Variants in B3GALT1 observed in about 807,000 individuals in gnomAD.
B3GALT1 encodes beta-1,3-galactosyltransferase 1, also known as UDP-Gal:betaGlcNAc beta 1,3-galactosyltransferase, polypeptide 1.
B3GALT1 carries 10 observed loss-of-function variants against 23.2 expected under a neutral mutation model. The ratio of observed to expected loss-of-function variants is 0.43; its 90% CI spans 0.27 to 0.73. The LOEUF (loss-of-function observed/expected upper bound fraction) is 0.73. Ranked by LOEUF, B3GALT1 falls within the 30% of genes least tolerant of loss-of-function variation. The pLI, the probability that B3GALT1 is intolerant of heterozygous loss-of-function variation, is 0.21. For missense variants in B3GALT1, 299 were observed against 405.4 expected, an observed-to-expected ratio of 0.74 and a Z score of 2.25; for synonymous variants, 156 against 141.5, an observed-to-expected ratio of 1.10 and a Z score of -0.73.
intron 2 of B3GALT1, among the ~76,000 whole-genome samples, chr2:167,550,626 C>T (rs1383864167): frequency 2.0e-5 from 3 of 152,140 alleles, no homozygotes; most frequent in Admixed American, 6.5e-5. Context: ...AAATAGTGGC[C>T]TCTAGTGGTT....
intron 2 of B3GALT1, among the ~76,000 whole-genome samples, chr2:167,603,557 C>T (rs1182270088): frequency 2.6e-5 from 4 of 152,212 alleles, no homozygotes; most frequent in African/African-American, 9.6e-5. Flanking sequence ...CCTCATTAGG[C>T]AGCCTCTTCC....
At chr2:167,678,502 A>ACACTGTGACCTCCCTAAGC (rs1686468562) in intron 3 of B3GALT1, among the ~76,000 whole-genome samples, 1 of 152,048 alleles carries the variant, frequency 6.6e-6, no homozygotes, top group African/African-American at 2.4e-5. Context: ...ACTGCCTTCT[A>ACACTGTGACCTCCCTAAGC]CACTGTGACC....
chr2:167,793,297 C>A (rs544044489), intron 3 of B3GALT1, among the ~76,000 whole-genome samples: 2 of 152,164 alleles, frequency 1.3e-5, no homozygotes, highest in Non-Finnish European at 2.9e-5. Context: ...AATCTCACAG[C>A]AGATCTCAAG....
intron 3 of B3GALT1, among the ~76,000 whole-genome samples, chr2:167,750,716 C>T (rs898871460): frequency 2.7e-5 from 4 of 147,970 alleles, no homozygotes; most frequent in African/African-American, 1.0e-4. Flanking sequence ...AGGACACATA[C>T]CTTAAAGGAC....
At chr2:167,597,665 G>T (rs764481915) in intron 2 of B3GALT1, among the ~76,000 whole-genome samples, 1 of 152,166 alleles carries the variant, frequency 6.6e-6, no homozygotes, top group Non-Finnish European at 1.5e-5. Flanking sequence ...ACATGAATTA[G>T]AATGAGGTAT....
At chr2:167,762,665 C>T (rs541456039) in intron 3 of B3GALT1, among the ~76,000 whole-genome samples, 2 of 151,912 alleles carry the variant, frequency 1.3e-5, no homozygotes, top group African/African-American at 4.8e-5. Context: ...ATTTGGGTGC[C>T]GATGGGACTG....
At position 167,454,227 on chromosome 2, in the gene B3GALT1, A is replaced by T. The variant is rs566323828; in HGVS notation, c.-510-35950A>T. ...TGTGTGTGTGCGCACGCGCGCGTGC[A>T]CGTGTGTGCATGTATGTGTGCACGT... On this transcript the variant is annotated intron_variant, in intron 1 of 4. Coordinates refer to ENST00000392690, the MANE Select transcript of B3GALT1 (RefSeq NM_020981.4). 3.5e-3 allele frequency among the ~76,000 whole-genome samples: 475 copies of T among 137,162 alleles called. 3 individuals are homozygous for T. Among genetic ancestry groups the T allele is most frequent in the Non-Finnish European group, 6.2e-3 (380 of 61,736 alleles). The allele number at this position is 137,162 out of a possible 152,430, so 90.0% of individuals were successfully genotyped here. A position where few individuals can be genotyped will look rare whatever the true frequency, so the allele number is the denominator to read the frequency against.
intron 2 of B3GALT1, among the ~76,000 whole-genome samples, chr2:167,546,077 T>A (rs547577571): frequency 6.6e-6 from 1 of 152,166 alleles, no homozygotes; most frequent in Non-Finnish European, 1.5e-5. Context: ...TCAAAATGTT[T>A]TGGATTTTGG....
chr2:167,548,699 T>TGTGTGTGAGA, intron 2 of B3GALT1, among the ~76,000 whole-genome samples: 1 of 151,766 alleles, frequency 6.6e-6, no homozygotes. Context: ...TGTGTGTGTG[T>TGTGTGTGAGA]GTGTGTGTGT....
At chr2:167,642,152 G>C (rs1326004412) in intron 2 of B3GALT1, among the ~76,000 whole-genome samples, 1 of 152,172 alleles carries the variant, frequency 6.6e-6, no homozygotes, top group African/African-American at 2.4e-5. Context: ...GACTTGGGGA[G>C]ACAGAGCTCA....
chr2:167,744,406 C>T (rs949021048), intron 3 of B3GALT1, among the ~76,000 whole-genome samples: 1 of 152,058 alleles, frequency 6.6e-6, no homozygotes, highest in African/African-American at 2.4e-5. Flanking sequence ...AAGTTTGCAA[C>T]TATTATTATA....
intron 3 of B3GALT1, among the ~76,000 whole-genome samples, chr2:167,659,738 C>T (rs1686022724): frequency 6.6e-6 from 1 of 152,076 alleles, no homozygotes; most frequent in African/African-American, 2.4e-5. Flanking sequence ...TGAGAGGGCT[C>T]CTTTGCAGGG....
intron 1 of B3GALT1, among the ~76,000 whole-genome samples, chr2:167,438,907 C>T (rs764837374): frequency 1.3e-5 from 2 of 152,100 alleles, no homozygotes; most frequent in African/African-American, 2.4e-5. Context: ...TGACTATTTC[C>T]CCCTCTCCCA....
intron 2 of B3GALT1, among the ~76,000 whole-genome samples, chr2:167,555,753 A>T (rs1218380956): frequency 2.0e-5 from 3 of 152,204 alleles, no homozygotes; most frequent in Non-Finnish European, 4.4e-5. Flanking sequence ...ACAGTGTGGT[A>T]CCATGAAGGG....
chr2:167,512,081 A>G (rs1700012811), intron 2 of B3GALT1, among the ~76,000 whole-genome samples: 1 of 152,172 alleles, frequency 6.6e-6, no homozygotes. Flanking sequence ...AAAATGAAGT[A>G]TGATAGAGGG....
At chr2:167,401,500 A>G (rs1230500672) in intron 1 of B3GALT1, among the ~76,000 whole-genome samples, 1 of 152,086 alleles carries the variant, frequency 6.6e-6, no homozygotes, top group South Asian at 2.1e-4. Flanking sequence ...TGTAATATAC[A>G]GGCTCTTACC....
intron 3 of B3GALT1, among the ~76,000 whole-genome samples, chr2:167,704,973 T>C (rs1280709506): frequency 6.6e-6 from 1 of 152,166 alleles, no homozygotes; most frequent in Admixed American, 6.5e-5. Flanking sequence ...GTGTGATAAA[T>C]TGAGTTACTC....
intron 2 of B3GALT1, among the ~76,000 whole-genome samples, chr2:167,603,030 T>A (rs1430048317): frequency 6.6e-6 from 1 of 152,170 alleles, no homozygotes; most frequent in Non-Finnish European, 1.5e-5. Flanking sequence ...CATTGCCAGA[T>A]CTCCTGCTTG....
intron 3 of B3GALT1, among the ~76,000 whole-genome samples, chr2:167,730,182 A>G (rs1397244932): frequency 5.9e-5 from 9 of 152,146 alleles, no homozygotes; most frequent in Non-Finnish European, 1.3e-4. Context: ...CTCATCCACA[A>G]TGTTGCTCTC....
Sources: allele counts gnomAD v4.1 joint callset (sites outside exome capture counted in the v4.1 genomes callset), GRCh38; gene constraint gnomAD v4.1.1; transcripts MANE v1.5; gene names NCBI Gene and HGNC (gene_info 2026-07-23, HGNC 2026-07-21).